MELK: variants seen among roughly 807,000 people sequenced by gnomAD.
MELK encodes the protein pEg3 kinase.
A neutral mutation model predicts 85.0 loss-of-function variants in MELK; 81 were observed. That is an observed-to-expected ratio of 0.95 (90% confidence interval 0.80 to 1.15). The LOEUF (loss-of-function observed/expected upper bound fraction) is 1.15, where lower values mean the gene tolerates loss of function less well. MELK is among the 50% of genes most tolerant of loss of function. The probability of loss-of-function intolerance (pLI) is 0.00; values close to 1 mark genes in which losing one functional copy is unlikely to be tolerated. For missense variants in MELK, 754 were observed against 777.5 expected (o/e 0.97, Z 0.36); for synonymous variants, 252 against 265.0 (o/e 0.95, Z 0.48).
At chr9:36,653,131 A>C (rs1830877974) in intron 12 of MELK, among the ~76,000 whole-genome samples, 1 of 152,088 alleles carries the variant, frequency 6.6e-6, no homozygotes, top group African/African-American at 2.4e-5. Flanking sequence ...CAGTTTTGTC[A>C]TGGACTTTAA....
intron 1 of MELK, among the ~76,000 whole-genome samples, chr9:36,574,668 C>T (rs1006230310): frequency 6.6e-6 from 1 of 152,144 alleles, no homozygotes; most frequent in Non-Finnish European, 1.5e-5. Context: ...AAATTATCCT[C>T]AGCATCAGTG....
chr9:36,662,586 C>T (rs1831965469), intron 13 of MELK, among the ~76,000 whole-genome samples: 1 of 152,198 alleles, frequency 6.6e-6, no homozygotes, highest in Non-Finnish European at 1.5e-5. Context: ...ATATGAAGGC[C>T]TTAGAACACT....
At chr9:36,605,590 G>A (rs1421628211) in intron 7 of MELK, among the ~76,000 whole-genome samples, 1 of 152,006 alleles carries the variant, frequency 6.6e-6, no homozygotes, top group East Asian at 1.9e-4. Context: ...CATCTCGGAG[G>A]CGTAAATGGT....
At chr9:36,579,132 G>T (rs1367603622) in intron 1 of MELK, among the ~76,000 whole-genome samples, 1 of 150,124 alleles carries the variant, frequency 6.7e-6, no homozygotes, top group South Asian at 2.1e-4. Context: ...GGTTCAAGCA[G>T]TTCTCCTGCC....
chr9:36,608,584 T>G (rs1318351768), intron 8 of MELK, among the ~76,000 whole-genome samples: 2 of 150,150 alleles, frequency 1.3e-5, no homozygotes, highest in African/African-American at 5.0e-5. Flanking sequence ...TATACAAACT[T>G]CTTTTTTTTT....
chr9:36,604,975 T>G (rs947220257), intron 7 of MELK, among the ~76,000 whole-genome samples: 2 of 150,404 alleles, frequency 1.3e-5, no homozygotes, highest in Non-Finnish European at 3.0e-5. Context: ...TGAGACGAAG[T>G]CTTGCTCTTG....
intron 12 of MELK, among the ~76,000 whole-genome samples, chr9:36,653,966 TC>T (rs1830968644): frequency 6.6e-6 from 1 of 152,148 alleles, no homozygotes; most frequent in Non-Finnish European, 1.5e-5. Context: ...TCTTTTTCCC[TC>T]CCTAGTTGGT....
intron 13 of MELK, among the ~76,000 whole-genome samples, chr9:36,663,050 T>G (rs1832005459): frequency 6.6e-6 from 1 of 152,080 alleles, no homozygotes; most frequent in Admixed American, 6.6e-5. Flanking sequence ...AATAATATAC[T>G]GCTTTTTCTT....
intron 11 of MELK, among the ~76,000 whole-genome samples, chr9:36,644,323 C>T (rs983093501): frequency 2.0e-5 from 3 of 151,636 alleles, no homozygotes; most frequent in African/African-American, 7.3e-5. Context: ...TGTTCCTGGC[C>T]CAGTACTATG....
chr9:36,630,163 A>C (rs997415008), intron 8 of MELK, 136 bp from the exon 9 acceptor site: 2 of 703,848 alleles, frequency 2.8e-6, no homozygotes, highest in Non-Finnish European at 4.9e-6. Context: ...GATTTTTTTT[A>C]GTTAATAATG....
At position 36,642,418 on chromosome 9, in the gene MELK, CTTTTTT is replaced by C. The variant is rs34671966; in HGVS notation, c.835-556_835-551del. ...ACAGTCCCTGGGCTGTACAACAGAA[CTTTTTT>C]TTTTTTTTTTTTTTTTTTTTTTGAG... On this transcript the variant is annotated intron_variant, in intron 10 of 17. Transcript: ENST00000298048. Among the ~76,000 whole-genome samples the C allele has an allele frequency of 2.0e-4, 17 of 84,788 alleles. 1 individual carries two copies. Among genetic ancestry groups the C allele is most frequent in the African/African-American group, 3.1e-4 (6 of 19,628 alleles). 55.6% of individuals were successfully genotyped at this position (84,788 alleles called of 152,430 possible).
intron 8 of MELK, among the ~76,000 whole-genome samples, chr9:36,628,732 A>G (rs1828186517): frequency 6.6e-6 from 1 of 151,438 alleles, no homozygotes; most frequent in East Asian, 2.0e-4. Flanking sequence ...ATGTTTTGTT[A>G]TACAGAAATA....
At chr9:36,594,924 C>CTTT (rs756955937) in intron 5 of MELK, among the ~76,000 whole-genome samples, 153 bp downstream of exon 5, 6 of 131,916 alleles carry the variant, frequency 4.5e-5, no homozygotes, top group Non-Finnish European at 8.1e-5. Flanking sequence ...TTTCCTCTTA[C>CTTT]TTTTTTTTTT....
At chr9:36,575,308 A>G (rs1001534896) in intron 1 of MELK, among the ~76,000 whole-genome samples, 1 of 152,198 alleles carries the variant, frequency 6.6e-6, no homozygotes. Context: ...CAGCAGCTAC[A>G]AAGTTGGGTT....
intron 15 of MELK, among the ~76,000 whole-genome samples, chr9:36,670,232 T>A (rs1832763331): frequency 6.6e-6 from 1 of 152,250 alleles, no homozygotes. Flanking sequence ...TGAACTAGTT[T>A]CCTTAATTTT....
At chr9:36,583,226 G>T (rs1483007204) in intron 2 of MELK, among the ~76,000 whole-genome samples, 2 of 152,066 alleles carry the variant, frequency 1.3e-5, no homozygotes, top group African/African-American at 4.8e-5. Flanking sequence ...GCCCGCCTCG[G>T]TCTCCCAAAG....
At chr9:36,600,623 G>T (rs566780611) in intron 7 of MELK, among the ~76,000 whole-genome samples, 18 of 152,184 alleles carry the variant, frequency 1.2e-4, no homozygotes, top group Non-Finnish European at 2.2e-4. Context: ...CTGACCTCGT[G>T]ATCCGCCTGC....
chr9:36,676,085 G>C (rs1833320474), intron 17 of MELK, among the ~76,000 whole-genome samples: 1 of 152,124 alleles, frequency 6.6e-6, no homozygotes. Context: ...TATCTAACAT[G>C]TGACTAAATT....
chr9:36,601,338 A>AT (rs1824903450), intron 7 of MELK, among the ~76,000 whole-genome samples: 1 of 151,402 alleles, frequency 6.6e-6, no homozygotes, highest in Non-Finnish European at 1.5e-5. Context: ...GGCTTTCTTT[A>AT]TTTTTTTTGA....
Sources: allele counts gnomAD v4.1 joint callset (sites outside exome capture counted in the v4.1 genomes callset), GRCh38; gene constraint gnomAD v4.1.1; transcripts MANE v1.5; gene names NCBI Gene and HGNC (gene_info 2026-07-23, HGNC 2026-07-21).